BRCA2: variants seen among roughly 807,000 people sequenced by gnomAD.
The protein encoded by BRCA2 is BRCA2 DNA repair associated, also known as breast cancer type 2 susceptibility protein.
BRCA2 carries 203 observed loss-of-function variants against 276.7 expected under a neutral mutation model. The ratio of observed to expected loss-of-function variants is 0.73; its 90% CI spans 0.65 to 0.82. BRCA2 has a LOEUF of 0.82. Ranked by LOEUF, BRCA2 falls within the 40% of genes least tolerant of loss-of-function variation. BRCA2 has a pLI of 0.00. For synonymous variants in BRCA2, 1,289 were observed against 1,338.4 expected, an observed-to-expected ratio of 0.96 and a Z score of 0.81; for missense variants, 3,920 against 3,915.0, an observed-to-expected ratio of 1.00 and a Z score of -0.03.
At chr13:32,369,604 C>T (rs538823076) in intron 18 of BRCA2, among the ~76,000 whole-genome samples, 1 of 152,108 alleles carries the variant, frequency 6.6e-6, no homozygotes, top group Admixed American at 6.5e-5. Context: ...GACGGAGGCA[C>T]GCTCTGTCCC....
At position 32,337,819 on chromosome 13, in the gene BRCA2, C is replaced by G. The variant is rs1406283407; in HGVS notation, c.3464C>G (p.Thr1155Ser). 6.2e-7 allele frequency: 1 copy of G among 1,614,090 alleles called. No individual in the cohort carries two copies. Among genetic ancestry groups the G allele is most frequent in the Non-Finnish European group, 8.5e-7 (1 of 1,179,972 alleles). ...PENQMTILKT[T>S]SEECRDADLH... is the part of the protein sequence containing the mutation. Reference sequence around the variant, plus strand: ...AACCAGATGACTATCTTAAAGACCACTTCTGAGGAATGCAGAGATGCTGAT... The same window carrying G: ...AACCAGATGACTATCTTAAAGACCAGTTCTGAGGAATGCAGAGATGCTGAT... The change falls in exon 11 of 27, where the codon ACT becomes AGT. Residue 1155 changes from threonine (T) to serine (S), a missense_variant. By Grantham distance (58) the Thr-to-Ser change is moderately conservative. Transcript: ENST00000380152.
chr13:32,396,516 C>T (rs939867836), intron 25 of BRCA2, among the ~76,000 whole-genome samples: 1 of 152,168 alleles, frequency 6.6e-6, no homozygotes, highest in Non-Finnish European at 1.5e-5. Context: ...TTTTCTCTAA[C>T]CAAAGAAGTA....
At chr13:32,391,178 CCTTT>C (rs766310746) in intron 24 of BRCA2, among the ~76,000 whole-genome samples, 45 of 152,232 alleles carry the variant, frequency 3.0e-4, no homozygotes, top group Admixed American at 7.8e-4. Context: ...TAAACGAGAA[CCTTT>C]CTTAGGTTGG....
chr13:32,327,808 GCC>G (rs903233698), intron 7 of BRCA2, among the ~76,000 whole-genome samples: 4 of 146,140 alleles, frequency 2.7e-5, no homozygotes, highest in African/African-American at 1.0e-4. Flanking sequence ...CTTCTCTGTT[GCC>G]CAGGCTGGAG....
intron 24 of BRCA2, among the ~76,000 whole-genome samples, chr13:32,392,720 G>T (rs190062271): frequency 2.0e-5 from 3 of 151,902 alleles, no homozygotes; most frequent in African/African-American, 7.3e-5. Flanking sequence ...TTGCATAACC[G>T]TAGTACAATT....
rs80358940 is a variant in BRCA2 at position 32,354,943 on chromosome 13, G to A, written c.7090G>A (p.Glu2364Lys). The A allele has an allele frequency of 3.7e-6, 6 of 1,613,598 alleles. No homozygotes were observed. Among genetic ancestry groups the A allele is most frequent in the Non-Finnish European group, 5.1e-6 (6 of 1,179,868 alleles). ...ATTTCTGTCTAAATCTCATTTGTAT[G>A]AACATCTGACTTTGGAAAAATCTTC... The part of the protein sequence containing the change: ...QEFLSKSHLY[E>K]HLTLEKSSSN... The change falls in exon 14 of 27, where the codon GAA becomes AAA. Residue 2364 changes from glutamate (E) to lysine (K), a missense_variant. Physicochemically the swap from Glu to Lys is moderately conservative, Grantham distance 56. Coordinates refer to ENST00000380152, the MANE Select transcript of BRCA2 (RefSeq NM_000059.4).
chr13:32,386,133 C>G (rs1237541910), intron 24 of BRCA2: 1 of 159,062 alleles, frequency 6.3e-6, no homozygotes, highest in Non-Finnish European at 1.4e-5. Flanking sequence ...TGACCACTTT[C>G]ATATTTCATT....
chr13:32,398,088 T>C (rs2073048227), intron 26 of BRCA2, 74 bp from the exon 27 acceptor site: 2 of 1,493,512 alleles, frequency 1.3e-6, no homozygotes, highest in Non-Finnish European at 1.8e-6. Context: ...ATATTTTCAA[T>C]GAAAAGTTAC....
Position 32,333,059 on chromosome 13 carries a change from A to C in BRCA2, c.1581A>C (p.Pro527=). ...NASFSGHMTD[P]NFKKETEASE... Reference sequence around the variant, plus strand: ...GTTTTTCAGGTCATATGACTGATCCAAACTTTAAAAAAGAAACTGAAGCCT... The same window carrying C: ...GTTTTTCAGGTCATATGACTGATCCCAACTTTAAAAAAGAAACTGAAGCCT... Residue 527 remains proline (P), a synonymous_variant, in exon 10 of 27, where the codon CCA becomes CCC. Transcript: ENST00000380152. 6.2e-7 allele frequency: 1 copy of C among 1,610,064 alleles called. No individual in the cohort carries two copies. The highest frequency in any genetic ancestry group is 1.7e-5 in the Admixed American group (1 of 59,000).
At chr13:32,372,778 A>T (rs1042012970) in intron 20 of BRCA2, among the ~76,000 whole-genome samples, 1 of 152,180 alleles carries the variant, frequency 6.6e-6, no homozygotes, top group Non-Finnish European at 1.5e-5. Context: ...TAATTCCAGC[A>T]TTAACTCAAA....
chr13:32,398,108 GTTT>G (rs2073048421), intron 26 of BRCA2, 51 bp from the exon 27 acceptor site: 8 of 1,545,024 alleles, frequency 5.2e-6, no homozygotes, highest in Non-Finnish European at 7.0e-6. Flanking sequence ...CTTTGATTTA[GTTT>G]TTTATGTTAC....
rs11571671 is a variant in BRCA2 at position 32,344,085 on chromosome 13, A to G, written c.6842-473A>G. On this transcript the variant is annotated intron_variant, in intron 11 of 26. Transcript: ENST00000380152. The stretch of plus-strand genomic sequence containing the variant: ...ATTACTAGTACTTTAATGTAATTTG[A>G]TAATTGTAAAAAGCCTCTTAACTCT... 0.047 allele frequency among the ~76,000 whole-genome samples: 7,110 copies of G among 151,650 alleles called. 245 individuals carry two copies. The highest frequency in any genetic ancestry group is 0.11 in the South Asian group (546 of 4,806).
chr13:32,396,943 A>G lies in BRCA2; in HGVS notation c.9547A>G (p.Ile3183Val), dbSNP rs377123889. Reference protein sequence around the residue: ...CNEAENKLMHILHANDPKWST... With the variant: ...CNEAENKLMHVLHANDPKWST... ...TGAAGCAGAAAACAAGCTTATGCAT[A>G]TACTGCATGCAAATGATCCCAAGTG... The change falls in exon 26 of 27, where the codon ATA becomes GTA. Residue 3183 changes from isoleucine to valine, a missense_variant. Ile to Val is a conservative substitution (Grantham distance 29). Around this residue, in one of 2 missense-constraint regions of BRCA2, gnomAD observed 657 missense variants for 758.2 expected, o/e 0.87. Transcript: ENST00000380152. The G allele has an allele frequency of 1.9e-6, 3 of 1,614,088 alleles. No individual in the cohort carries two copies. The highest frequency in any genetic ancestry group is 1.1e-5 in the South Asian group (1 of 91,088).
intron 24 of BRCA2, among the ~76,000 whole-genome samples, chr13:32,392,335 A>G (rs148271619): frequency 2.0e-5 from 3 of 152,328 alleles, no homozygotes; most frequent in Non-Finnish European, 2.9e-5. Flanking sequence ...CCTCAGTTCT[A>G]TCCTGGTTTA....
intron 24 of BRCA2, among the ~76,000 whole-genome samples, chr13:32,383,756 TGGGTTTGAGTTA>T (rs1444254352): frequency 6.6e-6 from 1 of 151,868 alleles, no homozygotes; most frequent in East Asian, 1.9e-4. Flanking sequence ...TAGGTCACGG[TGGGTTTGAGTTA>T]GGGTTTTAGA....
In BRCA2 at chr13:32,379,347, T is replaced by G; in HGVS notation, c.8785T>G (p.Leu2929Val). 1 of 1,613,818 alleles carries G rather than the reference T, an allele frequency of 6.2e-7. No individual in the cohort carries two copies. The highest frequency in any genetic ancestry group is 8.5e-7 in the Non-Finnish European group (1 of 1,179,854). Residue 2929 changes from leucine (L) to valine (V), a missense_variant, in exon 22 of 27, where the codon TTG (leucine) becomes GTG (valine). Transcript: ENST00000380152. ...GYFSEEQLRA[L>V]NNHRQMLNDK... Reference sequence around the variant, plus strand: ...TTTCAGTGAAGAGCAGTTAAGAGCCTTGAATAATCACAGGCAAATGTTGAA... The same window carrying G: ...TTTCAGTGAAGAGCAGTTAAGAGCCGTGAATAATCACAGGCAAATGTTGAA...
At chr13:32,379,611 A>C in intron 22 of BRCA2, 96 bp downstream of exon 22, 4 of 1,522,132 alleles carry the variant, frequency 2.6e-6, no homozygotes, top group Non-Finnish European at 3.6e-6. Context: ...GTATAAAGTT[A>C]GTTTATATCA....
chr13:32,331,064 T>TTTG lies in BRCA2; in HGVS notation c.793+46_793+48dup, dbSNP rs765056110. 6.7e-6 allele frequency: 10 copies of TTTG among 1,488,712 alleles called. No homozygotes were observed. In the East Asian group the frequency reaches 6.9e-5, roughly 10 times the overall value. The allele number at this position is 1,488,712 out of a possible 1,614,324, so 92.2% of individuals were successfully genotyped here. A position where few individuals can be genotyped will look rare whatever the true frequency, so the allele number is the denominator to read the frequency against. On this transcript the variant is annotated intron_variant, in intron 9 of 26. Coordinates refer to ENST00000380152, the MANE Select transcript of BRCA2 (RefSeq NM_000059.4). The stretch of plus-strand genomic sequence containing the variant: ...TCTGTTTAGTTGAACTACAGGTTTT[T>TTTG]TTGTTGTTGTTGTTTTGATTTTTTT...
Position 32,355,217 on chromosome 13 carries a change from A to G in BRCA2, c.7364A>G (p.His2455Arg), listed in dbSNP as rs2072683452. The change falls in exon 14 of 27, where the codon CAT becomes CGT. Residue 2455 changes from histidine (H) to arginine (R), a missense_variant. Coordinates refer to ENST00000380152, the MANE Select transcript of BRCA2 (RefSeq NM_000059.4). Reference sequence around the variant, plus strand: ...AATAAGATTAATGACAATGAGATTCATCAGTTTAACAAAAACAACTCCAAT... The same window carrying G: ...AATAAGATTAATGACAATGAGATTCGTCAGTTTAACAAAAACAACTCCAAT... Reference protein sequence around the residue: ...SKNKINDNEIHQFNKNNSNQA... With the variant: ...SKNKINDNEIRQFNKNNSNQA... 6.2e-7 allele frequency: 1 copy of G among 1,613,156 alleles called. No homozygotes were observed. The highest frequency in any genetic ancestry group is 8.5e-7 in the Non-Finnish European group (1 of 1,179,188).
Sources: gnomAD v4.1 joint callset for allele counts (sites outside exome capture counted in the v4.1 genomes callset) on GRCh38, gnomAD v4.1.1 for gene constraint, gnomAD v4.1.1 regional missense constraint, MANE v1.5 for transcripts, NCBI Gene and HGNC (gene_info 2026-07-23, HGNC 2026-07-21) for gene names.